BOP1: variants seen among roughly 807,000 people sequenced by gnomAD.
The protein encoded by BOP1 is BOP1 ribosomal biogenesis factor, also known as ribosome biogenesis protein BOP1.
Under a neutral mutation model 82.9 loss-of-function variants are expected in BOP1, and 54 were observed. That is an observed-to-expected ratio of 0.65 (90% CI 0.52 to 0.82). The LOEUF is 0.82. Ranked by LOEUF, BOP1 falls within the 40% of genes least tolerant of loss-of-function variation. The pLI is 0.00. For synonymous variants in BOP1, 566 were observed against 451.1 expected, an observed-to-expected ratio of 1.25 and a Z score of -3.23; for missense variants, 1,170 against 1,072.0, an observed-to-expected ratio of 1.09 and a Z score of -1.28.
chr8:144,276,027 T>C (rs982449338), intron 3 of BOP1, among the ~76,000 whole-genome samples, 197 bp downstream of exon 3: 14 of 152,254 alleles, frequency 9.2e-5, no homozygotes, highest in African/African-American at 3.1e-4. Context: ...TACATTGCAG[T>C]CTTGTGTCCC....
In BOP1 at chr8:144,263,020, C is replaced by T. The variant is rs1265107096; in HGVS notation, c.1727G>A (p.Arg576His). Residue 576 changes from arginine to histidine, a missense_variant, in exon 13 of 16, where the codon CGC (arginine) becomes CAC (histidine). Transcript: ENST00000569669. ...LSRRRSQSPF[R>H]RSHGQVQRVA... Reference sequence around the variant, plus strand: ...TCGCTGCACCTGTCCGTGGCTGCGGCGGAACGGACTCTGGCTGCGGCGACG... The same window carrying T: ...TCGCTGCACCTGTCCGTGGCTGCGGTGGAACGGACTCTGGCTGCGGCGACG... The T allele has an allele frequency of 5.2e-5, 82 of 1,562,846 alleles. 3 individuals are homozygous for T. Among genetic ancestry groups the T allele is most frequent in the South Asian group, 5.2e-4 (45 of 86,566 alleles).
intron 3 of BOP1, among the ~76,000 whole-genome samples, chr8:144,274,879 C>T (rs1168079835): frequency 3.3e-5 from 5 of 152,220 alleles, no homozygotes; most frequent in African/African-American, 9.6e-5. Flanking sequence ...AAAAAGTAGC[C>T]GACAGGATGT....
At chr8:144,262,788 C>T (rs1369701603) in intron 13 of BOP1, 65 bp downstream of exon 13, 38 of 1,185,150 alleles carry the variant, frequency 3.2e-5, no homozygotes, top group Non-Finnish European at 4.3e-5. Context: ...CCACCCCTCA[C>T]CTGCAGGGTA....
chr8:144,279,309 G>C (rs1412043209), intron 2 of BOP1, among the ~76,000 whole-genome samples: 6 of 149,868 alleles, frequency 4.0e-5, no homozygotes, highest in Non-Finnish European at 3.0e-5. Flanking sequence ...TACCACCATG[G>C]GCCCTGACGA....
chr8:144,291,436 G>C lies in BOP1; in HGVS notation c.-66C>G. ...GACAGCGACCGGGCCGCGTGCGCAG[G>C]AGGACGCGCCCCGCCCAGCCCGGCC... On this transcript the variant is annotated 5_prime_UTR_variant, in exon 1 of 16. Transcript: ENST00000569669. This position sits in a 1 kb window ranked among gnomAD's most constrained non-coding sequence, Gnocchi z 4.1. The C allele has an allele frequency of 1.0e-6, 1 of 1,001,868 alleles. No homozygotes were observed. 62.1% of individuals were successfully genotyped at this position (1,001,868 alleles called of 1,614,324 possible). A position where few individuals can be genotyped will look rare whatever the true frequency, so the allele number is the denominator to read the frequency against.
intron 3 of BOP1, chr8:144,266,791 CGGGCCG>C (rs1410815497): frequency 2.7e-6 from 3 of 1,105,946 alleles, no homozygotes; most frequent in Admixed American, 5.2e-5. Context: ...GGGGGGCCGG[CGGGCCG>C]GGGGCGGGGG....
chr8:144,267,796 G>A (rs1043756420), intron 3 of BOP1, among the ~76,000 whole-genome samples: 38 of 152,356 alleles, frequency 2.5e-4, no homozygotes, highest in Admixed American at 2.4e-3. Flanking sequence ...CTCCTGCTGT[G>A]CTTGGTGGCA....
intron 3 of BOP1, among the ~76,000 whole-genome samples, chr8:144,269,822 G>A (rs1257159643): frequency 3.9e-5 from 6 of 152,114 alleles, no homozygotes; most frequent in Non-Finnish European, 7.4e-5. Flanking sequence ...TCACACCCCC[G>A]CCCCGCCACC....
chr8:144,263,513 GT>G lies in BOP1; in HGVS notation c.1388del (p.Asn463ThrfsTer20), dbSNP rs1554836839. The G allele has an allele frequency of 5.0e-6, 8 of 1,599,204 alleles. No homozygotes were observed. In the South Asian group the frequency reaches 8.8e-5, roughly 18 times the overall value. ...VGGVVKSVAW[N>X]PSPAVCLVAA... ...CCACCAGGCAGACAGCGGGGCTGGG[GT>G]TCCAGGCCACACTCTTCACCACGCC... On this transcript the variant is annotated frameshift_variant, in exon 11 of 16. Transcript: ENST00000569669. LOFTEE classifies it high-confidence loss of function.
chr8:144,291,281 G>C lies in BOP1; in HGVS notation c.90C>G (p.Pro30=). 3 of 1,460,116 alleles carry C rather than the reference G, an allele frequency of 2.1e-6. No homozygotes were observed. The highest frequency in any genetic ancestry group is 2.7e-6 in the Non-Finnish European group (3 of 1,108,000). 90.4% of individuals were successfully genotyped at this position (1,460,116 alleles called of 1,614,324 possible). Residue 30 remains proline, a synonymous_variant, in exon 1 of 16, where the codon CCC becomes CCG. Transcript: ENST00000569669. The surrounding 1 kb of genome is among the most constrained non-coding windows in gnomAD (Gnocchi z 4.1). ...GCATCGCCACAGTCACCTCCGGCTC[G>C]GGCTCAGGCTCCAGTTCGGGCTCAG... The part of the protein sequence containing the change: ...RRSEPELEPE[P]EPEPPLLCTS...
At chr8:144,287,967 T>C (rs1814926602) in intron 2 of BOP1, among the ~76,000 whole-genome samples, 1 of 152,042 alleles carries the variant, frequency 6.6e-6, no homozygotes, top group African/African-American at 2.4e-5. Context: ...CCAGAATGTT[T>C]AGAGTAACAA....
At chr8:144,288,444 CTTGAACCCAGGGGATGGAGG>C (rs202067534) in intron 2 of BOP1, among the ~76,000 whole-genome samples, 59,072 of 149,626 alleles carry the variant, frequency 0.39, 13,159 homozygotes, top group East Asian at 0.55. Flanking sequence ...AGGAGAATTA[CTTGAACCCAGGGGATGGAGG>C]TTGCAGTGAG....
At chr8:144,290,375 G>C (rs1291961819) in intron 1 of BOP1, among the ~76,000 whole-genome samples, 1 of 151,336 alleles carries the variant, frequency 6.6e-6, no homozygotes, top group African/African-American at 2.4e-5. Context: ...AAAAGGAAAA[G>C]AAAAGAAAAA....
intron 3 of BOP1, chr8:144,267,166 A>G: frequency 6.5e-7 from 1 of 1,529,656 alleles, no homozygotes; most frequent in Non-Finnish European, 8.7e-7. Context: ...CTGCCTCAGC[A>G]ACCAGAGAAA....
rs1033039655 is a variant in BOP1 at position 144,264,803 on chromosome 8, G to C, written c.574C>G (p.Arg192Gly). 9 of 1,609,376 alleles carry C rather than the reference G, an allele frequency of 5.6e-6. No individual in the cohort carries two copies. The highest frequency in any genetic ancestry group is 7.6e-6 in the Non-Finnish European group (9 of 1,179,092). The stretch of plus-strand genomic sequence containing the variant: ...TGCTCATCCGTCAGTCTCAGGTCCC[G>C]CCCTGTCATCGGGTCCTGCACGGTG... The part of the protein sequence containing the change: ...WRTVQDPMTG[R>G]DLRLTDEQVA... The change falls in exon 5 of 16, where the codon CGG becomes GGG. Residue 192 changes from arginine (R) to glycine (G), a missense_variant. Coordinates refer to ENST00000569669, the MANE Select transcript of BOP1 (RefSeq NM_015201.5).
intron 2 of BOP1, among the ~76,000 whole-genome samples, chr8:144,284,997 T>C (rs1221697581): frequency 2.0e-5 from 3 of 152,116 alleles, no homozygotes; most frequent in Non-Finnish European, 4.4e-5. Context: ...GGCCTCCCAC[T>C]GTGGGGCTCT....
chr8:144,269,197 T>C (rs1231729358), intron 3 of BOP1, among the ~76,000 whole-genome samples: 3 of 152,200 alleles, frequency 2.0e-5, no homozygotes, highest in African/African-American at 4.8e-5. Context: ...ATTAAAACCC[T>C]GCAGGTGACA....
In BOP1 at chr8:144,291,404, C is replaced by G. The variant is rs782425390; in HGVS notation, c.-34G>C. 24 of 1,142,836 alleles carry G rather than the reference C, an allele frequency of 2.1e-5. No individual in the cohort carries two copies. The South Asian group carries it at 8.7e-4, about 42-fold the overall frequency. 70.8% of individuals were successfully genotyped at this position (1,142,836 alleles called of 1,614,324 possible). On this transcript the variant is annotated 5_prime_UTR_variant, in exon 1 of 16. Transcript: ENST00000569669. The surrounding 1 kb of genome is among the most constrained non-coding windows in gnomAD (Gnocchi z 4.1). Reference sequence around the variant, plus strand: ...GCGCGCCGGCCGCCACCCGCACAGCCGCTTCCGACAGCGACCGGGCCGCGT... The same window carrying G: ...GCGCGCCGGCCGCCACCCGCACAGCGGCTTCCGACAGCGACCGGGCCGCGT...
At chr8:144,264,185 G>T (rs1845303913) in intron 7 of BOP1, 40 bp downstream of exon 7, 10 of 1,609,122 alleles carry the variant, frequency 6.2e-6, no homozygotes, top group African/African-American at 2.7e-5. Flanking sequence ...TCACAGGGAA[G>T]CATGGGGACA....
Sources: allele counts gnomAD v4.1 joint callset (sites outside exome capture counted in the v4.1 genomes callset), GRCh38; gene constraint gnomAD v4.1.1; non-coding constraint Gnocchi (gnomAD v3.1); transcripts MANE v1.5; gene names NCBI Gene and HGNC (gene_info 2026-07-23, HGNC 2026-07-21).